ANTXR2: variants seen among roughly 807,000 people sequenced by gnomAD.
ANTXR2 encodes anthrax toxin receptor 2.
Under a neutral mutation model 73.7 loss-of-function variants are expected in ANTXR2, and 44 were observed. That is an observed-to-expected ratio of 0.60 (90% CI 0.47 to 0.77). The LOEUF is 0.77. Among genes scored for constraint, ANTXR2 ranks in the 30% least tolerant of loss-of-function variants. ANTXR2 has a pLI of 0.00. For synonymous variants in ANTXR2, 217 were observed against 205.9 expected (o/e 1.05, Z -0.46); for missense variants, 604 against 592.5 (o/e 1.02, Z -0.20).
At chr4:80,017,720 C>G (rs976805941) in intron 11 of ANTXR2, among the ~76,000 whole-genome samples, 3 of 152,132 alleles carry the variant, frequency 2.0e-5, no homozygotes, top group African/African-American at 7.2e-5. Flanking sequence ...GTGAGCTAAA[C>G]ACTGAGAAAC....
At chr4:80,049,075 T>C (rs1314545749) in intron 7 of ANTXR2, among the ~76,000 whole-genome samples, 1 of 151,686 alleles carries the variant, frequency 6.6e-6, no homozygotes, top group Admixed American at 6.6e-5. Flanking sequence ...TTATAAAACA[T>C]GCTTCACAAC....
intron 11 of ANTXR2, among the ~76,000 whole-genome samples, chr4:80,014,830 A>T (rs1731765561): frequency 1.3e-5 from 2 of 152,142 alleles, no homozygotes; most frequent in Admixed American, 6.5e-5. Context: ...CCTATTAGGA[A>T]AGTAGGAGAA....
intron 6 of ANTXR2, 92 bp downstream of exon 6, chr4:80,055,058 G>T: frequency 8.5e-7 from 1 of 1,180,188 alleles, no homozygotes; most frequent in Non-Finnish European, 1.2e-6. Flanking sequence ...ATCGACCAGT[G>T]TCACAATGTC....
At chr4:79,984,557 T>C (rs542916512) in intron 13 of ANTXR2, among the ~76,000 whole-genome samples, 4 of 152,306 alleles carry the variant, frequency 2.6e-5, no homozygotes, top group Admixed American at 1.3e-4. Context: ...ACTGTTGATA[T>C]AGTACTATAA....
rs552982269 is a variant in ANTXR2 at position 79,955,603 on chromosome 4, T to C, written c.1428+22018A>G. 5.3e-5 allele frequency among the ~76,000 whole-genome samples: 8 copies of C among 152,286 alleles called. No individual in the cohort carries two copies. In the East Asian group the frequency reaches 5.8e-4, roughly 11 times the overall value. On this transcript the variant is annotated intron_variant, in intron 16 of 16. Coordinates refer to ENST00000403729, the MANE Select transcript of ANTXR2 (RefSeq NM_058172.6). ...GGTTTTGGGAATACCCTTATGAGCA[T>C]AGGAAAAATATCATATTCATAGAGC...
intron 12 of ANTXR2, among the ~76,000 whole-genome samples, chr4:79,997,467 G>A (rs1259621883): frequency 6.6e-6 from 1 of 151,650 alleles, no homozygotes; most frequent in Non-Finnish European, 1.5e-5. Context: ...TTTTCTTTTT[G>A]ATAAGATCAG....
intron 12 of ANTXR2, among the ~76,000 whole-genome samples, chr4:80,003,728 T>A (rs1731169130): frequency 6.6e-6 from 1 of 152,006 alleles, no homozygotes; most frequent in African/African-American, 2.4e-5. Flanking sequence ...TACATACCTA[T>A]TAGAATGGCA....
chr4:79,928,560 T>A (rs1302134648), intron 16 of ANTXR2, among the ~76,000 whole-genome samples: 1 of 152,178 alleles, frequency 6.6e-6, no homozygotes, highest in African/African-American at 2.4e-5. Flanking sequence ...TTATAGCATT[T>A]TAAAAATCAA....
intron 13 of ANTXR2, among the ~76,000 whole-genome samples, 196 bp from the exon 14 acceptor site, chr4:79,984,166 C>T (rs1295809543): frequency 6.6e-6 from 1 of 152,050 alleles, no homozygotes; most frequent in Non-Finnish European, 1.5e-5. Flanking sequence ...AACTCCTTTC[C>T]CTCCTCAAAT....
chr4:80,060,948 A>G (rs1734221228), intron 3 of ANTXR2, among the ~76,000 whole-genome samples: 1 of 152,118 alleles, frequency 6.6e-6, no homozygotes, highest in African/African-American at 2.4e-5. Context: ...AATGGCTAGA[A>G]GCGGAATGCC....
At chr4:80,012,094 T>C (rs1168677694) in intron 11 of ANTXR2, among the ~76,000 whole-genome samples, 3 of 152,168 alleles carry the variant, frequency 2.0e-5, no homozygotes, top group Non-Finnish European at 4.4e-5. Flanking sequence ...ATTGCTGCAA[T>C]CTATCTAGAA....
At chr4:79,937,919 G>C (rs1016907180) in intron 16 of ANTXR2, among the ~76,000 whole-genome samples, 1 of 138,678 alleles carries the variant, frequency 7.2e-6, no homozygotes, top group African/African-American at 2.7e-5. Flanking sequence ...CCTGGGAAGC[G>C]CAAGGGGTCA....
At chr4:79,999,542 T>C (rs1308317013) in intron 12 of ANTXR2, among the ~76,000 whole-genome samples, 2 of 152,084 alleles carry the variant, frequency 1.3e-5, no homozygotes, top group South Asian at 2.1e-4. Flanking sequence ...AGCAGTCTGG[T>C]GAATCTATCC....
chr4:80,001,288 G>T (rs573192613), intron 12 of ANTXR2, among the ~76,000 whole-genome samples: 21 of 149,974 alleles, frequency 1.4e-4, no homozygotes, highest in Non-Finnish European at 2.7e-4. Flanking sequence ...CTAGCATTAG[G>T]TATATCTCCC....
chr4:80,038,244 T>A (rs1168707083), intron 7 of ANTXR2, among the ~76,000 whole-genome samples: 3 of 152,164 alleles, frequency 2.0e-5, no homozygotes, highest in Admixed American at 1.3e-4. Context: ...CTCTCTTCTA[T>A]CAGCACTGAC....
intron 11 of ANTXR2, among the ~76,000 whole-genome samples, chr4:80,013,445 C>T (rs1023306494): frequency 1.3e-5 from 2 of 152,160 alleles, no homozygotes; most frequent in South Asian, 4.1e-4. Flanking sequence ...GGACTGAGCC[C>T]TGGATGTTCC....
intron 3 of ANTXR2, among the ~76,000 whole-genome samples, chr4:80,062,730 T>C (rs895106539): frequency 6.6e-6 from 1 of 152,198 alleles, no homozygotes; most frequent in African/African-American, 2.4e-5. Flanking sequence ...TTCTGACTGA[T>C]TGAAAACTGG....
chr4:80,054,175 G>C (rs1233210175), intron 7 of ANTXR2, 97 bp downstream of exon 7: 5 of 908,848 alleles, frequency 5.5e-6, no homozygotes, highest in Non-Finnish European at 6.7e-6. Context: ...CTTTCCTCTA[G>C]ATAATGACCA....
At chr4:79,954,765 C>T (rs1445268245) in intron 16 of ANTXR2, among the ~76,000 whole-genome samples, 1 of 152,036 alleles carries the variant, frequency 6.6e-6, no homozygotes, top group Non-Finnish European at 1.5e-5. Flanking sequence ...TAAACGCATT[C>T]AGAAGCCAGA....
Sources: allele counts gnomAD v4.1 joint callset (sites outside exome capture counted in the v4.1 genomes callset), GRCh38; gene constraint gnomAD v4.1.1; transcripts MANE v1.5; gene names NCBI Gene and HGNC (gene_info 2026-07-23, HGNC 2026-07-21).